Variants in PCSK6 observed in about 807,000 individuals in gnomAD.
The protein encoded by PCSK6 is proprotein convertase subtilisin/kexin type 6.
Under a neutral mutation model 123.3 loss-of-function variants are expected in PCSK6, and 85 were observed. That is an observed-to-expected ratio of 0.69 (90% CI 0.58 to 0.83). PCSK6 has a LOEUF of 0.83. Ranked by LOEUF, PCSK6 falls within the 40% of genes least tolerant of loss-of-function variation. PCSK6 has a pLI of 0.00. For missense variants in PCSK6, 1,191 were observed against 1,282.3 expected, an observed-to-expected ratio of 0.93 and a Z score of 1.09; for synonymous variants, 508 against 516.0, an observed-to-expected ratio of 0.98 and a Z score of 0.21.
intron 2 of PCSK6, among the ~76,000 whole-genome samples, chr15:101,441,751 C>G (rs972303114): frequency 6.6e-6 from 1 of 152,206 alleles, no homozygotes; most frequent in Non-Finnish European, 1.5e-5. Context: ...GGGCTTCCTG[C>G]ATGCAAACAG....
At chr15:101,320,061 G>A (rs188368922) in intron 18 of PCSK6, among the ~76,000 whole-genome samples, 14 of 151,586 alleles carry the variant, frequency 9.2e-5, no homozygotes, top group African/African-American at 1.2e-4. Context: ...ATCTAGTAGC[G>A]TCAGAATTGA....
intron 13 of PCSK6, chr15:101,336,678 G>A (rs1278726521): frequency 6.6e-6 from 1 of 152,232 alleles, no homozygotes; most frequent in South Asian, 2.1e-4. Flanking sequence ...AAGATGCATA[G>A]AAGCAGATCT....
At chr15:101,391,031 G>A (rs932989607) in intron 8 of PCSK6, among the ~76,000 whole-genome samples, 1 of 152,102 alleles carries the variant, frequency 6.6e-6, no homozygotes, top group Non-Finnish European at 1.5e-5. Flanking sequence ...GTTTGAGCTG[G>A]GCCAACTGTC....
At chr15:101,394,137 G>GTTTTTTTTTTTTTT (rs1444048837) in intron 7 of PCSK6, among the ~76,000 whole-genome samples, 1 of 89,572 alleles carries the variant, frequency 1.1e-5, no homozygotes, top group African/African-American at 4.6e-5. Context: ...CCGTTTTTTT[G>GTTTTTTTTTTTTTT]TTTTTTGTTT....
intron 10 of PCSK6, among the ~76,000 whole-genome samples, chr15:101,382,704 A>AG (rs2141508725): frequency 6.6e-6 from 1 of 152,334 alleles, no homozygotes; most frequent in African/African-American, 2.4e-5. Flanking sequence ...CCGGGAAAAC[A>AG]GCACAGCACA....
At chr15:101,405,596 C>T (rs2042748845) in intron 6 of PCSK6, among the ~76,000 whole-genome samples, 1 of 152,080 alleles carries the variant, frequency 6.6e-6, no homozygotes, top group African/African-American at 2.4e-5. Context: ...TACGTGCATT[C>T]CTATAAAATC....
chr15:101,344,898 C>T (rs1254132516), intron 13 of PCSK6, among the ~76,000 whole-genome samples: 1 of 152,058 alleles, frequency 6.6e-6, no homozygotes, highest in Non-Finnish European at 1.5e-5. Flanking sequence ...TCAAGTGATC[C>T]GCCCACCTCA....
Position 101,448,402 on chromosome 15 carries a change from AT to A in PCSK6, c.298-4743del, listed in dbSNP as rs112016395. On this transcript the variant is annotated intron_variant, in intron 1 of 21. Coordinates refer to ENST00000611716, the MANE Select transcript of PCSK6 (RefSeq NM_002570.5). ...TGACATTTAAAAAAATATAGGTAAT[AT>A]GTGCACATGATACAAAACATGGAAG... is the stretch of plus-strand genomic sequence containing the variant. Among the ~76,000 whole-genome samples, 1,205 of 152,312 alleles carry A rather than the reference AT, an allele frequency of 7.9e-3. 12 individuals carry two copies. The highest frequency in any genetic ancestry group is 0.028 in the African/African-American group (1,164 of 41,554).
intron 2 of PCSK6, among the ~76,000 whole-genome samples, chr15:101,434,470 G>A (rs1474060015): frequency 6.6e-6 from 1 of 152,234 alleles, no homozygotes; most frequent in Non-Finnish European, 1.5e-5. Flanking sequence ...GTCATAAGAG[G>A]GTTCCTCAGC....
intron 2 of PCSK6, among the ~76,000 whole-genome samples, chr15:101,441,685 AAAG>A: frequency 6.6e-6 from 1 of 152,356 alleles, no homozygotes. Context: ...GGCCTCATGG[AAAG>A]AAGACCAAGA....
chr15:101,341,312 A>C (rs1406648599), intron 13 of PCSK6, among the ~76,000 whole-genome samples: 1 of 147,292 alleles, frequency 6.8e-6, no homozygotes, highest in East Asian at 2.0e-4. Context: ...GCAGTGGTGC[A>C]ATCTCGGCTC....
At chr15:101,461,345 C>T (rs2141206625) in intron 1 of PCSK6, among the ~76,000 whole-genome samples, 1 of 152,276 alleles carries the variant, frequency 6.6e-6, no homozygotes, top group African/African-American at 2.4e-5. Flanking sequence ...AAACTTTCCA[C>T]TAAAGAAACT....
intron 10 of PCSK6, among the ~76,000 whole-genome samples, chr15:101,382,458 G>T (rs912703169): frequency 6.6e-6 from 1 of 152,176 alleles, no homozygotes; most frequent in African/African-American, 2.4e-5. Context: ...TCCCGCTTTG[G>T]TACAGAGTAG....
intron 1 of PCSK6, among the ~76,000 whole-genome samples, chr15:101,452,633 C>T (rs984093153): frequency 2.6e-5 from 4 of 152,106 alleles, no homozygotes; most frequent in Admixed American, 6.5e-5. Flanking sequence ...CATGGGGGAA[C>T]GTGGAATCGA....
chr15:101,349,293 G>A lies in PCSK6; in HGVS notation c.1858+16903C>T, dbSNP rs186234783. Among the ~76,000 whole-genome samples, 798 of 152,242 alleles carry A rather than the reference G, an allele frequency of 5.2e-3. 17 individuals carry two copies. Among genetic ancestry groups the A allele is most frequent in the Non-Finnish European group, 6.7e-3 (458 of 68,028 alleles). ...TAGCAAAGTTTTGTTTGTTTTTCTC[G>A]GGAAAAGTGTTGCTTAAGAAGAAGA... On this transcript the variant is annotated intron_variant, in intron 13 of 21. Coordinates refer to ENST00000611716, the MANE Select transcript of PCSK6 (RefSeq NM_002570.5).
chr15:101,340,627 C>G (rs1012490497), intron 13 of PCSK6, among the ~76,000 whole-genome samples: 5 of 152,314 alleles, frequency 3.3e-5, no homozygotes, highest in Middle Eastern at 3.4e-3. Context: ...GGCATTTGCC[C>G]TTACATTGCT....
intron 10 of PCSK6, chr15:101,383,950 G>T: frequency 4.6e-6 from 1 of 217,228 alleles, no homozygotes; most frequent in Non-Finnish European, 7.8e-6. Context: ...GTCCAGGCTA[G>T]ACTCAAATTC....
intron 19 of PCSK6, chr15:101,313,718 C>A (rs556380234): frequency 1.0e-5 from 6 of 598,766 alleles, no homozygotes; most frequent in Admixed American, 3.3e-5. Context: ...ACGGGGACAT[C>A]GAGGCATGAG....
At chr15:101,459,668 T>A (rs1478887851) in intron 1 of PCSK6, among the ~76,000 whole-genome samples, 2 of 148,470 alleles carry the variant, frequency 1.3e-5, no homozygotes, top group Non-Finnish European at 3.0e-5. Flanking sequence ...CCCTGTCCCC[T>A]CCATCCCAGC....
Sources: allele counts gnomAD v4.1 joint callset (sites outside exome capture counted in the v4.1 genomes callset), GRCh38; gene constraint gnomAD v4.1.1; transcripts MANE v1.5; gene names NCBI Gene and HGNC (gene_info 2026-07-23, HGNC 2026-07-21).